The following ARHGAP22 variants were observed in gnomAD, a reference collection of about 807,000 sequenced individuals.
The protein encoded by ARHGAP22 is Rho GTPase activating protein 22.
Under a neutral mutation model 59.1 loss-of-function variants are expected in ARHGAP22, and 48 were observed. The observed-to-expected ratio is 0.81, with a 90% CI of 0.64 to 1.03. ARHGAP22 has a LOEUF of 1.03. ARHGAP22 is among the 50% of genes least tolerant of loss of function. ARHGAP22 has a pLI of 0.00. For missense variants in ARHGAP22, 1,015 were observed against 958.7 expected (o/e 1.06, Z -0.78); for synonymous variants, 445 against 416.4 (o/e 1.07, Z -0.84).
Position 48,604,931 on chromosome 10 carries a change from G to T in ARHGAP22, c.-135C>A, listed in dbSNP as rs956136308. 6.4e-7 allele frequency: 1 copy of T among 1,550,824 alleles called. No individual in the cohort carries two copies. Among genetic ancestry groups the T allele is most frequent in the Non-Finnish European group, 8.7e-7 (1 of 1,151,672 alleles). ...CGTGGCCGCTGGCGTCACCCGTCAG[G>T]CTCCCTCGGCTACCTCTCCTGGCTC... is the stretch of plus-strand genomic sequence containing the variant. On this transcript the variant is annotated 5_prime_UTR_variant, in exon 1 of 10. Transcript: ENST00000249601.
intron 3 of ARHGAP22, among the ~76,000 whole-genome samples, chr10:48,551,887 T>C (rs1038267443): frequency 6.6e-6 from 1 of 152,192 alleles, no homozygotes; most frequent in African/African-American, 2.4e-5. Flanking sequence ...CAGATGTCTG[T>C]GTTGGAGGGC....
intron 3 of ARHGAP22, among the ~76,000 whole-genome samples, chr10:48,505,438 A>G (rs1389844365): frequency 6.6e-6 from 1 of 152,042 alleles, no homozygotes; most frequent in Non-Finnish European, 1.5e-5. Context: ...CCACCATGAG[A>G]CCACGTCCAG....
intron 3 of ARHGAP22, among the ~76,000 whole-genome samples, chr10:48,490,596 T>G (rs1397870635): frequency 6.6e-6 from 1 of 152,206 alleles, no homozygotes; most frequent in African/African-American, 2.4e-5. Flanking sequence ...AAGTGCCGCT[T>G]CTATCAAACT....
intron 1 of ARHGAP22, among the ~76,000 whole-genome samples, chr10:48,635,025 T>C (rs956358890): frequency 6.6e-6 from 1 of 152,032 alleles, no homozygotes; most frequent in African/African-American, 2.4e-5. Context: ...AATACATGTA[T>C]GTTGTGAAAG....
At chr10:48,486,625 C>T (rs2049889734) in intron 3 of ARHGAP22, among the ~76,000 whole-genome samples, 1 of 152,196 alleles carries the variant, frequency 6.6e-6, no homozygotes, top group African/African-American at 2.4e-5. Flanking sequence ...TAAATCTTAA[C>T]ATCTTTTGAA....
chr10:48,523,729 GCAGCCGGCGCCGCGGC>G (rs1214628285), intron 3 of ARHGAP22, among the ~76,000 whole-genome samples: 1 of 152,020 alleles, frequency 6.6e-6, no homozygotes, highest in Non-Finnish European at 1.5e-5. Flanking sequence ...TGGCGGACCT[GCAGCCGGCGCCGCGGC>G]CAGCCCCGGG....
intron 3 of ARHGAP22, among the ~76,000 whole-genome samples, chr10:48,523,094 T>C (rs981171816): frequency 1.3e-5 from 2 of 152,238 alleles, no homozygotes; most frequent in African/African-American, 4.8e-5. Context: ...CAGAATACAC[T>C]TTTCGGAGGA....
chr10:48,531,657 AC>A, intron 3 of ARHGAP22, among the ~76,000 whole-genome samples: 1 of 4,000 alleles, frequency 2.5e-4, no homozygotes, highest in Non-Finnish European at 1.6e-3. Context: ...AGAGGAGGGC[AC>A]CGAAGTACAG....
chr10:48,530,758 A>T (rs1391454019), intron 3 of ARHGAP22, among the ~76,000 whole-genome samples: 5 of 152,222 alleles, frequency 3.3e-5, no homozygotes, highest in African/African-American at 7.2e-5. Context: ...TAATAAAAAA[A>T]TAAAAATAAA....
intron 3 of ARHGAP22, 56 bp downstream of exon 3, chr10:48,555,407 A>G: frequency 1.3e-6 from 2 of 1,542,362 alleles, no homozygotes; most frequent in Non-Finnish European, 1.8e-6. Flanking sequence ...TTCCCAGGCC[A>G]GGGGCATGGC....
intron 2 of ARHGAP22, among the ~76,000 whole-genome samples, chr10:48,576,861 G>A (rs10857601): frequency 0.53 from 78,991 of 148,422 alleles, 22,129 homozygotes; most frequent in East Asian, 0.97. Flanking sequence ...TCCTAGCATG[G>A]GCAGTGAGAT....
rs1196436730 is a variant in ARHGAP22, at chr10:48,451,130, G to A, written c.999C>T (p.Leu333=). 3 of 1,552,118 alleles carry A rather than the reference G, an allele frequency of 1.9e-6. No homozygotes were observed. The highest frequency in any genetic ancestry group is 2.6e-6 in the Non-Finnish European group (3 of 1,147,806). ...DPVTIMEGTS[L]VQHLMTVLIR... ...TGAGGACGGTCATCAGGTGCTGGACGAGGGAAGTGCCTGCCGGGAAGAGAG... is the reference window on the plus strand; with the variant it reads ...TGAGGACGGTCATCAGGTGCTGGACAAGGGAAGTGCCTGCCGGGAAGAGAG... The change falls in exon 9 of 10, where the codon CTC becomes CTT. Residue 333 remains leucine (L), a synonymous_variant. Coordinates refer to ENST00000249601, the MANE Select transcript of ARHGAP22 (RefSeq NM_021226.4).
chr10:48,485,366 T>A (rs2134147718), intron 3 of ARHGAP22, among the ~76,000 whole-genome samples: 1 of 152,348 alleles, frequency 6.6e-6, no homozygotes, highest in African/African-American at 2.4e-5. Context: ...CTTTAATTTA[T>A]GGGTTATTTA....
rs1178792370 is a variant in ARHGAP22, at chr10:48,604,820, C to A, written c.-24G>T. 2 of 1,614,042 alleles carry A rather than the reference C, an allele frequency of 1.2e-6. No individual in the cohort carries two copies. The highest frequency in any genetic ancestry group is 1.7e-5 in the Admixed American group (1 of 60,016). ...ATGTTCTTGCAGCCGTCCGGCCAGC[C>A]CCGCAGGGCCGTTCATGCTGTCATC... On this transcript the variant is annotated 5_prime_UTR_variant, in exon 1 of 10. Coordinates refer to ENST00000249601, the MANE Select transcript of ARHGAP22 (RefSeq NM_021226.4).
upstream of ARHGAP22, among the ~76,000 whole-genome samples, chr10:48,654,906 CCTCCCTTT>C (rs974214635): frequency 4.2e-5 from 6 of 142,822 alleles, no homozygotes; most frequent in East Asian, 2.1e-4. Context: ...CTCCTCCCTT[CCTCCCTTT>C]CTCCCTTTCT....
At chr10:48,549,789 T>A (rs1381098354) in intron 3 of ARHGAP22, among the ~76,000 whole-genome samples, 2 of 152,140 alleles carry the variant, frequency 1.3e-5, no homozygotes, top group Non-Finnish European at 2.9e-5. Flanking sequence ...GCCCATCTCA[T>A]TCACCCTTCC....
intron 3 of ARHGAP22, among the ~76,000 whole-genome samples, chr10:48,539,482 G>A (rs999778832): frequency 3.3e-5 from 5 of 150,972 alleles, no homozygotes; most frequent in East Asian, 3.9e-4. Flanking sequence ...TAGTAGAGAC[G>A]GGGTTTCACC....
intron 3 of ARHGAP22, among the ~76,000 whole-genome samples, chr10:48,499,125 T>C (rs1303557030): frequency 6.6e-6 from 1 of 152,222 alleles, no homozygotes; most frequent in East Asian, 1.9e-4. Flanking sequence ...CATGTCCTCA[T>C]TGACAGTGCT....
At chr10:48,515,690 A>T (rs571069606) in intron 3 of ARHGAP22, among the ~76,000 whole-genome samples, 49 of 152,374 alleles carry the variant, frequency 3.2e-4, no homozygotes, top group African/African-American at 1.1e-3. Context: ...AGCCTTAAAA[A>T]TTTTAAAGGA....
Sources: allele counts gnomAD v4.1 joint callset (sites outside exome capture counted in the v4.1 genomes callset), GRCh38; gene constraint gnomAD v4.1.1; transcripts MANE v1.5; gene names NCBI Gene and HGNC (gene_info 2026-07-23, HGNC 2026-07-21).